The following RLF variants were observed in gnomAD, a reference collection of about 807,000 sequenced individuals.
RLF encodes the protein RLF zinc finger, also known as zinc finger protein Rlf.
Under a neutral mutation model 162.9 loss-of-function variants are expected in RLF, and 7 were observed. That is an observed-to-expected ratio of 0.04 (90% CI 0.02 to 0.08). The LOEUF is 0.08. Ranked by LOEUF, RLF falls within the 10% of genes least tolerant of loss-of-function variation. The pLI is 1.00. For synonymous variants in RLF, 782 were observed against 791.5 expected, an observed-to-expected ratio of 0.99 and a Z score of 0.20; for missense variants, 1,664 against 2,244.7, an observed-to-expected ratio of 0.74 and a Z score of 5.23.
chr1:40,177,439 G>A (rs1452377702), intron 1 of RLF, among the ~76,000 whole-genome samples: 7 of 151,758 alleles, frequency 4.6e-5, no homozygotes, highest in Admixed American at 6.6e-5. Context: ...ACAGGCGCCC[G>A]CCACCACGCC....
At chr1:40,184,631 G>A (rs1642447870) in intron 1 of RLF, among the ~76,000 whole-genome samples, 1 of 152,178 alleles carries the variant, frequency 6.6e-6, no homozygotes, top group Admixed American at 6.5e-5. Flanking sequence ...GGACTTGAGA[G>A]AGTAATTTGA....
intron 1 of RLF, among the ~76,000 whole-genome samples, chr1:40,164,871 C>T (rs1052351637): frequency 2.0e-5 from 3 of 152,048 alleles, no homozygotes; most frequent in Non-Finnish European, 2.9e-5. Context: ...ACAGTGACTT[C>T]GTAGATTTTT....
At chr1:40,169,854 G>C (rs186163471) in intron 1 of RLF, among the ~76,000 whole-genome samples, 2 of 151,416 alleles carry the variant, frequency 1.3e-5, no homozygotes, top group Non-Finnish European at 2.9e-5. Context: ...CACCACACCC[G>C]GCTATTTGTA....
intron 4 of RLF, among the ~76,000 whole-genome samples, chr1:40,200,711 T>TG (rs1353034718): frequency 2.0e-5 from 3 of 151,666 alleles, no homozygotes; most frequent in African/African-American, 7.3e-5. Context: ...GAGAAAAACT[T>TG]TAACTGTATA....
At chr1:40,167,513 T>C in intron 1 of RLF, among the ~76,000 whole-genome samples, 1 of 152,136 alleles carries the variant, frequency 6.6e-6, no homozygotes, top group East Asian at 1.9e-4. Flanking sequence ...TGACCTCTAG[T>C]GGTTTCTGTT....
At position 40,180,469 on chromosome 1, in the gene RLF, C is replaced by T. The variant is rs556342284; in HGVS notation, c.238-8586C>T. 5.9e-5 allele frequency among the ~76,000 whole-genome samples: 9 copies of T among 152,238 alleles called. No homozygotes were observed. In the South Asian group the frequency reaches 1.2e-3, roughly 21 times the overall value. ...TAGAGACAGGGTTTCACCATGTTGG[C>T]CAGGCTGGTCTCGAACTCCTGACCA... On this transcript the variant is annotated intron_variant, in intron 1 of 7. Coordinates refer to ENST00000372771, the MANE Select transcript of RLF (RefSeq NM_012421.4).
rs77307315 is a variant in RLF, at chr1:40,190,149, T to A, written c.393-623T>A. Among the ~76,000 whole-genome samples the A allele has an allele frequency of 4.2e-3, 639 of 152,334 alleles. 7 individuals are homozygous for A. The highest frequency in any genetic ancestry group is 0.015 in the African/African-American group (623 of 41,566). ...GTAATCCCTAAGGGGTAAAGGATTA[T>A]TCTGTAGGGTTTTAGAGAGATGTTG... is the stretch of plus-strand genomic sequence containing the variant. On this transcript the variant is annotated intron_variant, in intron 2 of 7. Transcript: ENST00000372771.
At position 40,176,473 on chromosome 1, in the gene RLF, C is replaced by T. The variant is rs552745743; in HGVS notation, c.238-12582C>T. On this transcript the variant is annotated intron_variant, in intron 1 of 7. Coordinates refer to ENST00000372771, the MANE Select transcript of RLF (RefSeq NM_012421.4). The stretch of plus-strand genomic sequence containing the variant: ...GCTTTTTAAAATTTTGAGATAGGGT[C>T]TTACTCTGTCACCCAGGCTGCAGTG... 2.6e-4 allele frequency among the ~76,000 whole-genome samples: 40 copies of T among 152,256 alleles called. No homozygotes were observed. The South Asian group carries it at 7.9e-3, about 30-fold the overall frequency.
intron 5 of RLF, among the ~76,000 whole-genome samples, chr1:40,208,267 A>G (rs1642822542): frequency 2.0e-5 from 3 of 152,230 alleles, no homozygotes; most frequent in Admixed American, 1.3e-4. Flanking sequence ...GTTGGTGGCT[A>G]TGAAGTGGAC....
intron 1 of RLF, among the ~76,000 whole-genome samples, chr1:40,173,882 A>G (rs917122722): frequency 2.0e-5 from 3 of 152,226 alleles, no homozygotes; most frequent in Non-Finnish European, 4.4e-5. Flanking sequence ...CCAAAGAATT[A>G]TAATTAGAGC....
chr1:40,203,107 G>GGCT (rs1557749625), intron 5 of RLF, among the ~76,000 whole-genome samples: 7 of 132,780 alleles, frequency 5.3e-5, no homozygotes, highest in African/African-American at 1.2e-4. Context: ...TAAGGGTTGA[G>GGCT]TCTTTTTTTT....
At chr1:40,193,454 T>C (rs1166085407) in intron 3 of RLF, among the ~76,000 whole-genome samples, 1 of 152,134 alleles carries the variant, frequency 6.6e-6, no homozygotes, top group Non-Finnish European at 1.5e-5. Context: ...CTGCATATCA[T>C]GGTGGGTGGT....
chr1:40,238,995 G>A lies in RLF; in HGVS notation c.4293G>A (p.Gln1431=). The change falls in exon 8 of 8, where the codon CAG becomes CAA. Residue 1431 remains glutamine, a synonymous_variant. Transcript: ENST00000372771. This position sits in a 1 kb window ranked among gnomAD's most constrained non-coding sequence, Gnocchi z 5.2. The part of the protein sequence containing the change: ...FNKLKHHLME[Q]HNIEGEIHSD... ...AGTTGAAGCACCACTTGATGGAACAGCATAATATTGAAGGGGAAATACATT... is the reference window on the plus strand; with the variant it reads ...AGTTGAAGCACCACTTGATGGAACAACATAATATTGAAGGGGAAATACATT... 6.2e-7 allele frequency: 1 copy of A among 1,614,180 alleles called. No individual in the cohort carries two copies. Among genetic ancestry groups the A allele is most frequent in the Non-Finnish European group, 8.5e-7 (1 of 1,180,008 alleles).
Position 40,161,485 on chromosome 1 carries a change from A to C in RLF, c.86A>C (p.Glu29Ala). 1 of 1,598,444 alleles carries C rather than the reference A, an allele frequency of 6.3e-7. No individual in the cohort carries two copies. The change falls in exon 1 of 8, where the codon GAG (glutamate) becomes GCG (alanine). Residue 29 changes from glutamate (E) to alanine (A), a missense_variant. This residue lies in a region of RLF where 134 missense variants were observed against 124.3 expected (regional missense o/e 1.08). Coordinates refer to ENST00000372771, the MANE Select transcript of RLF (RefSeq NM_012421.4). This position sits in a 1 kb window ranked among gnomAD's most constrained non-coding sequence, Gnocchi z 4.4. ...PAVAGAGDGV[E>A]TESMVRGHRP... ...GTAGCGGGAGCCGGAGATGGAGTCG[A>C]GACTGAGTCCATGGTTCGGGGTCAT...
intron 5 of RLF, among the ~76,000 whole-genome samples, chr1:40,202,816 T>C (rs1350298848): frequency 1.3e-5 from 2 of 152,188 alleles, no homozygotes. Context: ...AGTAGATAAC[T>C]AAAGAATATA....
intron 1 of RLF, among the ~76,000 whole-genome samples, chr1:40,178,709 A>T (rs1570520776): frequency 7.4e-6 from 1 of 135,000 alleles, no homozygotes. Context: ...TTCCCCAGAG[A>T]TGAGGGCTTG....
At chr1:40,178,419 T>G (rs1340291180) in intron 1 of RLF, among the ~76,000 whole-genome samples, 1 of 152,120 alleles carries the variant, frequency 6.6e-6, no homozygotes, top group Non-Finnish European at 1.5e-5. Context: ...GGAGAGTTGT[T>G]TTTTAATGAG....
chr1:40,171,500 A>C (rs990719744), intron 1 of RLF, among the ~76,000 whole-genome samples: 1 of 152,176 alleles, frequency 6.6e-6, no homozygotes, highest in Non-Finnish European at 1.5e-5. Flanking sequence ...TAAAATAGGC[A>C]TATTTTTGTG....
intron 5 of RLF, among the ~76,000 whole-genome samples, chr1:40,220,985 A>AG (rs1049683820): frequency 4.0e-5 from 6 of 151,634 alleles, no homozygotes; most frequent in African/African-American, 1.5e-4. Flanking sequence ...AAAAAAAAAA[A>AG]AAAAGGTGTG....
Sources: gnomAD v4.1 joint callset for allele counts (sites outside exome capture counted in the v4.1 genomes callset) on GRCh38, gnomAD v4.1.1 for gene constraint, gnomAD v4.1.1 regional missense constraint, Gnocchi (gnomAD v3.1) non-coding constraint, MANE v1.5 for transcripts, NCBI Gene and HGNC (gene_info 2026-07-23, HGNC 2026-07-21) for gene names.